METTL16: variants seen among roughly 807,000 people sequenced by gnomAD.
METTL16 encodes the protein RNA N(6)-adenosine-methyltransferase METTL16.
Under a neutral mutation model 57.9 loss-of-function variants are expected in METTL16, and 19 were observed. The ratio of observed to expected loss-of-function variants is 0.33; its 90% CI spans 0.23 to 0.48. The LOEUF is 0.48. Ranked by LOEUF, METTL16 falls within the 20% of genes least tolerant of loss-of-function variation. The pLI, the probability that METTL16 is intolerant of heterozygous loss-of-function variation, is 0.99. For missense variants in METTL16, 434 were observed against 691.5 expected, an observed-to-expected ratio of 0.63 and a Z score of 4.18; for synonymous variants, 246 against 255.6, an observed-to-expected ratio of 0.96 and a Z score of 0.36.
In METTL16 at chr17:2,508,618, G is replaced by T. The variant is rs762247861; in HGVS notation, c.-1+3141C>A. ...TCACAACACCACCTCTCTGGCCCAG[G>T]TCATTATCATGTCTTTCTTGGGTTG... On this transcript the variant is annotated intron_variant, in intron 1 of 9. Transcript: ENST00000263092. Among the ~76,000 whole-genome samples the T allele has an allele frequency of 1.2e-3, 177 of 151,864 alleles. 2 individuals carry two copies. The highest frequency in any genetic ancestry group is 7.9e-4 in the Admixed American group (12 of 15,232).
At chr17:2,450,336 G>A (rs1456452345) in intron 6 of METTL16, among the ~76,000 whole-genome samples, 1 of 152,190 alleles carries the variant, frequency 6.6e-6, no homozygotes, top group African/African-American at 2.4e-5. Flanking sequence ...GTGAAAGAAA[G>A]CAGACAATCA....
At chr17:2,491,686 T>C (rs1038779009) in intron 2 of METTL16, among the ~76,000 whole-genome samples, 15 of 151,248 alleles carry the variant, frequency 9.9e-5, no homozygotes, top group South Asian at 2.1e-4. Flanking sequence ...CCATCCTGGC[T>C]AACACGGTGA....
chr17:2,471,020 C>A (rs2151566770), intron 4 of METTL16, among the ~76,000 whole-genome samples: 1 of 152,288 alleles, frequency 6.6e-6, no homozygotes, highest in African/African-American at 2.4e-5. Flanking sequence ...ATGAATAGAT[C>A]AACAGAAGAG....
At chr17:2,474,903 T>A (rs1175856373) in intron 3 of METTL16, among the ~76,000 whole-genome samples, 2 of 134,608 alleles carry the variant, frequency 1.5e-5, no homozygotes, top group Non-Finnish European at 3.0e-5. Context: ...CTAGGTGACA[T>A]CAAGTCTCTC....
chr17:2,463,152 C>A (rs1206278000), intron 6 of METTL16, among the ~76,000 whole-genome samples: 1 of 152,186 alleles, frequency 6.6e-6, no homozygotes, highest in Non-Finnish European at 1.5e-5. Context: ...TCAATGTCCT[C>A]ACATCTGTCA....
At chr17:2,483,837 T>A (rs183642585) in intron 2 of METTL16, among the ~76,000 whole-genome samples, 27 of 152,350 alleles carry the variant, frequency 1.8e-4, no homozygotes, top group African/African-American at 6.5e-4. Context: ...ATGGGCCAAT[T>A]CCATTTCCTT....
At chr17:2,496,004 G>A (rs982732866) in intron 2 of METTL16, among the ~76,000 whole-genome samples, 2 of 151,494 alleles carry the variant, frequency 1.3e-5, no homozygotes, top group Non-Finnish European at 2.9e-5. Context: ...CAGCTACTCA[G>A]GAGGCTGAGG....
Position 2,416,483 on chromosome 17 carries a change from T to G in METTL16, c.*3487A>C, listed in dbSNP as rs1252437876. 3.9e-5 allele frequency: 6 copies of G among 152,148 alleles called. No individual in the cohort carries two copies. Among genetic ancestry groups the G allele is most frequent in the Admixed American group, 2.6e-4 (4 of 15,260 alleles). The allele number at this position is 152,148 out of a possible 1,614,324, so 9.4% of individuals were successfully genotyped here. A position where few individuals can be genotyped will look rare whatever the true frequency, so the allele number is the denominator to read the frequency against. On this transcript the variant is annotated 3_prime_UTR_variant, in exon 10 of 10. Coordinates refer to ENST00000263092, the MANE Select transcript of METTL16 (RefSeq NM_024086.4). Reference sequence around the variant, plus strand: ...TATACTAAAGTAATCTACACGAAGCTTAGGATGAGTTGAAAGGGTACTGCC... The same window carrying G: ...TATACTAAAGTAATCTACACGAAGCGTAGGATGAGTTGAAAGGGTACTGCC...
rs1341927319 is a variant in METTL16 at position 2,448,800 on chromosome 17, TTTAA to T, written c.729-7245_729-7242del. Reference sequence around the variant, plus strand: ...AAAAAATAAAAAAATAAAAATAAAATTTAAAAAAAAAAAAAAAAAAAAAAAAGAG... The same window carrying T: ...AAAAAATAAAAAAATAAAAATAAAATAAAAAAAAAAAAAAAAAAAAAAGAG... On this transcript the variant is annotated intron_variant, in intron 6 of 9. Transcript: ENST00000263092. 5.9e-3 allele frequency among the ~76,000 whole-genome samples: 380 copies of T among 64,246 alleles called. 6 individuals carry two copies. The highest frequency in any genetic ancestry group is 0.025 in the African/African-American group (321 of 12,704). 42.1% of individuals were successfully genotyped at this position (64,246 alleles called of 152,430 possible).
intron 8 of METTL16, among the ~76,000 whole-genome samples, chr17:2,435,999 G>A (rs913990023): frequency 1.3e-5 from 2 of 152,150 alleles, no homozygotes; most frequent in Non-Finnish European, 2.9e-5. Context: ...GGGCCCGGAG[G>A]ACTCGGTCTC....
chr17:2,454,604 G>A (rs1174859022), intron 6 of METTL16, among the ~76,000 whole-genome samples: 3 of 135,692 alleles, frequency 2.2e-5, no homozygotes, highest in East Asian at 4.2e-4. Context: ...TTGCTCAGCC[G>A]CCCAGGGTGG....
At chr17:2,432,612 C>T (rs112541458) in intron 8 of METTL16, among the ~76,000 whole-genome samples, 8 of 151,970 alleles carry the variant, frequency 5.3e-5, no homozygotes, top group East Asian at 3.9e-4. Context: ...TTATATCCGA[C>T]GCTCACGGTC....
chr17:2,482,185 A>G (rs1223296194), intron 2 of METTL16, among the ~76,000 whole-genome samples: 2 of 152,262 alleles, frequency 1.3e-5, no homozygotes, highest in African/African-American at 2.4e-5. Context: ...AAGGAACTAC[A>G]GTAAGTCTTC....
chr17:2,482,236 C>T (rs2067312428), intron 2 of METTL16, among the ~76,000 whole-genome samples: 1 of 152,140 alleles, frequency 6.6e-6, no homozygotes, highest in African/African-American at 2.4e-5. Flanking sequence ...TAAGCGAAAC[C>T]ATACGTAACA....
chr17:2,430,498 C>T (rs2066865590), intron 8 of METTL16, among the ~76,000 whole-genome samples: 1 of 147,010 alleles, frequency 6.8e-6, no homozygotes, highest in Non-Finnish European at 1.5e-5. Flanking sequence ...TCACTGCAAG[C>T]TCCGCCTCCC....
At chr17:2,425,555 G>A (rs949317120) in intron 8 of METTL16, among the ~76,000 whole-genome samples, 2 of 152,200 alleles carry the variant, frequency 1.3e-5, no homozygotes, top group African/African-American at 4.8e-5. Context: ...ATCAATAAGA[G>A]AGGAACTGCA....
chr17:2,483,950 A>G (rs1423180238), intron 2 of METTL16, among the ~76,000 whole-genome samples: 1 of 152,224 alleles, frequency 6.6e-6, no homozygotes, highest in East Asian at 1.9e-4. Flanking sequence ...TAACTCGAGA[A>G]TGGTAGCCTG....
At position 2,420,095 on chromosome 17, in the gene METTL16, C is replaced by T. The variant is rs775363784; in HGVS notation, c.1564G>A (p.Val522Ile). Residue 522 changes from valine to isoleucine, a missense_variant, in exon 10 of 10, where the codon GTT (valine) becomes ATT (isoleucine). Val to Ile is a conservative substitution (Grantham distance 29). Around this residue, in one of 5 missense-constraint regions of METTL16, gnomAD observed 26 missense variants for 60.7 expected, o/e 0.43. Transcript: ENST00000263092. The surrounding 1 kb of genome is among the most constrained non-coding windows in gnomAD (Gnocchi z 5.4). ...AAGGCATCGTCCACCTCCTTCTTAACGTTTATCAAACACTTAAACAGGTAC... is the reference window on the plus strand; with the variant it reads ...AAGGCATCGTCCACCTCCTTCTTAATGTTTATCAAACACTTAAACAGGTAC... ...GQYLFKCLIN[V>I]KKEVDDALVE... 107 of 1,614,092 alleles carry T rather than the reference C, an allele frequency of 6.6e-5. No individual in the cohort carries two copies. The highest frequency in any genetic ancestry group is 8.2e-5 in the Non-Finnish European group (97 of 1,180,046).
chr17:2,441,476 T>G lies in METTL16; in HGVS notation c.798+14A>C. ...AAAAGTAGCTACACGAGAACAGTAA[T>G]GAGGAAGCCTCACCCCTTGTATGCG... On this transcript the variant is annotated intron_variant, in intron 7 of 9. Transcript: ENST00000263092. 6.4e-7 allele frequency: 1 copy of G among 1,570,474 alleles called. No individual in the cohort carries two copies. The highest frequency in any genetic ancestry group is 1.2e-5 in the South Asian group (1 of 84,630).
Sources: allele counts gnomAD v4.1 joint callset (sites outside exome capture counted in the v4.1 genomes callset), GRCh38; gene constraint gnomAD v4.1.1; regional missense constraint gnomAD v4.1.1; non-coding constraint Gnocchi (gnomAD v3.1); transcripts MANE v1.5; gene names NCBI Gene and HGNC (gene_info 2026-07-23, HGNC 2026-07-21).